Variants in PTPRD observed in about 807,000 individuals in gnomAD.
PTPRD encodes receptor-type tyrosine-protein phosphatase delta.
Under a neutral mutation model 214.5 loss-of-function variants are expected in PTPRD, and 34 were observed. That is an observed-to-expected ratio of 0.16 (90% CI 0.12 to 0.21). The LOEUF is 0.21. Ranked by LOEUF, PTPRD falls within the 10% of genes least tolerant of loss-of-function variation. The probability of loss-of-function intolerance (pLI) is 1.00; values close to 1 mark genes in which losing one functional copy is unlikely to be tolerated. For synonymous variants in PTPRD, 1,128 were observed against 845.7 expected (o/e 1.33, Z -5.79); for missense variants, 2,545 against 2,398.7 (o/e 1.06, Z -1.27).
intron 27 of PTPRD, 47 bp from the exon 28 acceptor site, chr9:8,486,396 C>T: frequency 6.7e-7 from 1 of 1,496,778 alleles, no homozygotes; most frequent in Non-Finnish European, 9.3e-7. Flanking sequence ...TCTGAACGTT[C>T]ACATTTCAGT....
intron 14 of PTPRD, among the ~76,000 whole-genome samples, chr9:8,579,235 T>G (rs1337044632): frequency 2.0e-5 from 3 of 152,222 alleles, no homozygotes; most frequent in Admixed American, 2.0e-4. Context: ...CCATCTAATC[T>G]TTTCCATAGC....
chr9:9,888,701 C>T (rs892171788), intron 5 of PTPRD, among the ~76,000 whole-genome samples: 1 of 152,116 alleles, frequency 6.6e-6, no homozygotes, highest in Non-Finnish European at 1.5e-5. Context: ...GATTCTTGTG[C>T]CATGCTTCTC....
In PTPRD at chr9:9,331,375, C is replaced by G. The variant is rs547903892; in HGVS notation, c.-203+66074G>C. Among the ~76,000 whole-genome samples, 7 of 152,042 alleles carry G rather than the reference C, an allele frequency of 4.6e-5. No individual in the cohort carries two copies. The East Asian group carries it at 1.4e-3, about 29-fold the overall frequency. Reference sequence around the variant, plus strand: ...TATGATTGCCTGGCTCATTCTTTCTCGGGATAATTCATAGGTGGTAGATCA... The same window carrying G: ...TATGATTGCCTGGCTCATTCTTTCTGGGGATAATTCATAGGTGGTAGATCA... On this transcript the variant is annotated intron_variant, in intron 9 of 45. Transcript: ENST00000381196.
intron 2 of PTPRD, among the ~76,000 whole-genome samples, chr9:10,475,816 G>T (rs1207820018): frequency 1.3e-5 from 2 of 151,996 alleles, no homozygotes; most frequent in Non-Finnish European, 2.9e-5. Context: ...ATGCAAGGCT[G>T]GTTCAATATA....
In PTPRD at chr9:9,108,180, A is replaced by G. The variant is rs1474680127; in HGVS notation, c.-143+75124T>C. 2.0e-5 allele frequency among the ~76,000 whole-genome samples: 3 copies of G among 152,120 alleles called. No individual in the cohort carries two copies. In the South Asian group the frequency reaches 6.2e-4, roughly 31 times the overall value. On this transcript the variant is annotated intron_variant, in intron 10 of 45. Transcript: ENST00000381196. ...TTACAGTTTTTCCTGTAAAACTTAT[A>G]TTATTTACGTTTGTCTGTATGAATT... is the stretch of plus-strand genomic sequence containing the variant.
At chr9:8,621,677 G>C (rs112492880) in intron 14 of PTPRD, among the ~76,000 whole-genome samples, 2 of 151,854 alleles carry the variant, frequency 1.3e-5, no homozygotes, top group South Asian at 4.1e-4. Context: ...CTTTATTAAC[G>C]CATCTTTGCA....
intron 9 of PTPRD, among the ~76,000 whole-genome samples, chr9:9,333,084 A>G (rs1241856499): frequency 6.6e-6 from 1 of 151,982 alleles, no homozygotes; most frequent in Non-Finnish European, 1.5e-5. Flanking sequence ...GGAGGGACAT[A>G]AAGAGTACAA....
At chr9:10,129,566 T>C (rs1428161311) in intron 3 of PTPRD, among the ~76,000 whole-genome samples, 1 of 148,814 alleles carries the variant, frequency 6.7e-6, no homozygotes, top group African/African-American at 2.5e-5. Flanking sequence ...TTGTCTACCA[T>C]CTCACCTACT....
intron 10 of PTPRD, among the ~76,000 whole-genome samples, chr9:9,116,640 A>T (rs2099812602): frequency 6.6e-6 from 1 of 152,140 alleles, no homozygotes; most frequent in Non-Finnish European, 1.5e-5. Flanking sequence ...GCATTTTAGC[A>T]AAGTCTCATG....
intron 9 of PTPRD, among the ~76,000 whole-genome samples, chr9:9,192,197 T>C (rs899533700): frequency 2.6e-5 from 4 of 151,670 alleles, no homozygotes; most frequent in African/African-American, 9.7e-5. Flanking sequence ...AATCAGAGAG[T>C]TAATGTTAAA....
chr9:9,777,566 C>T (rs1207025748), intron 5 of PTPRD, among the ~76,000 whole-genome samples: 2 of 151,992 alleles, frequency 1.3e-5, no homozygotes, highest in Non-Finnish European at 2.9e-5. Flanking sequence ...GTTATGGTGG[C>T]ACATGCCTGT....
intron 3 of PTPRD, among the ~76,000 whole-genome samples, chr9:10,314,860 G>T (rs1181403420): frequency 1.3e-5 from 2 of 151,830 alleles, no homozygotes; most frequent in Non-Finnish European, 2.9e-5. Context: ...TTATTATACA[G>T]CCAAGTATCA....
chr9:8,500,583 A>AAAAAAAAAAAAG (rs1563868169), intron 24 of PTPRD, among the ~76,000 whole-genome samples, 171 bp downstream of exon 24: 2 of 146,318 alleles, frequency 1.4e-5, no homozygotes. Context: ...AAAAAAAAAA[A>AAAAAAAAAAAAG]AAAAAAAGGC....
intron 9 of PTPRD, among the ~76,000 whole-genome samples, chr9:9,383,663 A>C (rs73397052): frequency 0.21 from 32,423 of 152,078 alleles, 4,034 homozygotes; most frequent in East Asian, 0.37. Flanking sequence ...ATGAAAAGTT[A>C]TCATAAGCTT....
intron 5 of PTPRD, among the ~76,000 whole-genome samples, chr9:9,795,663 T>C (rs1267340407): frequency 6.6e-6 from 1 of 152,168 alleles, no homozygotes; most frequent in Non-Finnish European, 1.5e-5. Context: ...ATAAAATAGA[T>C]TTGATTAGTA....
chr9:9,867,609 T>C (rs2064309096), intron 5 of PTPRD, among the ~76,000 whole-genome samples: 1 of 152,142 alleles, frequency 6.6e-6, no homozygotes, highest in African/African-American at 2.4e-5. Context: ...AAAAAGCTCT[T>C]GGCTCACATG....
chr9:10,550,951 A>G (rs746220050), intron 2 of PTPRD, among the ~76,000 whole-genome samples: 9 of 152,130 alleles, frequency 5.9e-5, no homozygotes, highest in Non-Finnish European at 1.2e-4. Flanking sequence ...ATGGCTGTAC[A>G]CTGTACACAC....
At chr9:9,150,294 G>T (rs2099875563) in intron 10 of PTPRD, among the ~76,000 whole-genome samples, 1 of 151,882 alleles carries the variant, frequency 6.6e-6, no homozygotes, top group African/African-American at 2.4e-5. Context: ...TATAAATGCA[G>T]CAAATATTTA....
At chr9:8,981,857 A>G (rs889603479) in intron 11 of PTPRD, among the ~76,000 whole-genome samples, 3 of 152,100 alleles carry the variant, frequency 2.0e-5, no homozygotes, top group Non-Finnish European at 4.4e-5. Context: ...GCTAGAAGGA[A>G]GAAATAGAAT....
Sources: gnomAD v4.1 joint callset for allele counts (sites outside exome capture counted in the v4.1 genomes callset) on GRCh38, gnomAD v4.1.1 for gene constraint, MANE v1.5 for transcripts, NCBI Gene and HGNC (gene_info 2026-07-23, HGNC 2026-07-21) for gene names.